BMP6: variants seen among roughly 807,000 people sequenced by gnomAD.
BMP6 encodes the protein bone morphogenetic protein 6, also known as VG-1-R.
BMP6 carries 17 observed loss-of-function variants against 54.1 expected under a neutral mutation model. The ratio of observed to expected loss-of-function variants is 0.31; its 90% confidence interval spans 0.22 to 0.47. BMP6 has a LOEUF of 0.47. Ranked by LOEUF, BMP6 falls within the 20% of genes least tolerant of loss-of-function variation. The pLI, the probability that BMP6 is intolerant of heterozygous loss-of-function variation, is 1.00. For synonymous variants in BMP6, 328 were observed against 291.2 expected (o/e 1.13, Z -1.28); for missense variants, 720 against 690.4 (o/e 1.04, Z -0.48).
chr6:7,802,174 T>C (rs960722842), intron 1 of BMP6, among the ~76,000 whole-genome samples: 8 of 152,224 alleles, frequency 5.3e-5, no homozygotes, highest in African/African-American at 1.2e-4. Context: ...CATCTCTTTG[T>C]GTCTGTTATT....
At chr6:7,770,914 G>A (rs1757773598) in intron 1 of BMP6, among the ~76,000 whole-genome samples, 1 of 152,244 alleles carries the variant, frequency 6.6e-6, no homozygotes, top group Non-Finnish European at 1.5e-5. Flanking sequence ...TGGGGCCTGG[G>A]CATCAGGATT....
intron 1 of BMP6, among the ~76,000 whole-genome samples, chr6:7,804,499 G>A (rs1446919180): frequency 2.6e-5 from 4 of 152,088 alleles, no homozygotes; most frequent in Non-Finnish European, 2.9e-5. Flanking sequence ...GGGACCAGTC[G>A]CCAAAGTCCT....
At chr6:7,867,415 A>G (rs546456914) in intron 4 of BMP6, among the ~76,000 whole-genome samples, 1 of 152,342 alleles carries the variant, frequency 6.6e-6, no homozygotes, top group South Asian at 2.1e-4. Context: ...TAACTGTGCA[A>G]TCTTGTGCTA....
chr6:7,814,524 C>T (rs997197585), intron 1 of BMP6, among the ~76,000 whole-genome samples: 3 of 152,104 alleles, frequency 2.0e-5, no homozygotes, highest in African/African-American at 2.4e-5. Flanking sequence ...TGTACAATAT[C>T]CTTTTAAATC....
chr6:7,853,154 C>T (rs573445491), intron 2 of BMP6, among the ~76,000 whole-genome samples: 15 of 152,000 alleles, frequency 9.9e-5, no homozygotes, highest in Non-Finnish European at 1.6e-4. Flanking sequence ...AGGTCTTGAC[C>T]CATCTAGTGT....
At position 7,726,534 on chromosome 6, in the gene BMP6, C is replaced by T. The variant is rs549374700; in HGVS notation, c.-422C>T. ...TCGTGAGCGGCCCCGCTCCCCGCTG[C>T]CCCGGGTCCCACTCAGTCGCCAGGG... On this transcript the variant is annotated 5_prime_UTR_variant, in exon 1 of 7. Coordinates refer to ENST00000283147, the MANE Select transcript of BMP6 (RefSeq NM_001718.6). Among the ~76,000 whole-genome samples the T allele has an allele frequency of 6.6e-6, 1 of 152,154 alleles. No homozygotes were observed. The highest frequency in any genetic ancestry group is 1.5e-5 in the Non-Finnish European group (1 of 68,022).
Position 7,861,206 on chromosome 6 carries a change from G to A in BMP6, c.858-245G>A, listed in dbSNP as rs536938686. 2.6e-3 allele frequency among the ~76,000 whole-genome samples: 12 copies of A among 4,672 alleles called. No homozygotes were observed. In the South Asian group the frequency reaches 0.28, roughly 107 times the overall value. The allele number at this position is 4,672 out of a possible 152,430, so 3.1% of individuals were successfully genotyped here. A position where few individuals can be genotyped will look rare whatever the true frequency, so the allele number is the denominator to read the frequency against. ...TTTGGTAAAGTTGAGAGGGTCTGCC[G>A]TGTCGGGGTGAAAGCTGATTTCTAT... On this transcript the variant is annotated intron_variant, in intron 2 of 6. Coordinates refer to ENST00000283147, the MANE Select transcript of BMP6 (RefSeq NM_001718.6).
chr6:7,844,344 GTT>G (rs34279744), intron 1 of BMP6, among the ~76,000 whole-genome samples: 40 of 145,222 alleles, frequency 2.8e-4, no homozygotes, highest in East Asian at 5.9e-4. Context: ...TTTCCCCCCA[GTT>G]TTTTTTTTTT....
intron 4 of BMP6, among the ~76,000 whole-genome samples, chr6:7,870,788 C>T (rs893378733): frequency 6.6e-6 from 1 of 152,200 alleles, no homozygotes; most frequent in Non-Finnish European, 1.5e-5. Context: ...CCATCATGCC[C>T]CTCTAATTTT....
At chr6:7,842,461 C>T (rs1169136160) in intron 1 of BMP6, among the ~76,000 whole-genome samples, 2 of 152,114 alleles carry the variant, frequency 1.3e-5, no homozygotes, top group Non-Finnish European at 2.9e-5. Flanking sequence ...TGGGCTTCCT[C>T]ACAACATGGA....
intron 1 of BMP6, among the ~76,000 whole-genome samples, chr6:7,733,569 G>A (rs746166095): frequency 6.6e-5 from 10 of 152,176 alleles, no homozygotes; most frequent in Non-Finnish European, 1.2e-4. Context: ...TGCTCCAGCC[G>A]CAGGGTGTCA....
chr6:7,759,693 C>CTTCTTTTTT (rs1554119240), intron 1 of BMP6, among the ~76,000 whole-genome samples: 2 of 80,076 alleles, frequency 2.5e-5, no homozygotes, highest in African/African-American at 5.3e-5. Flanking sequence ...TTTCTTTCTT[C>CTTCTTTTTT]TTCTTTTTTT....
chr6:7,845,088 G>T, intron 1 of BMP6, 52 bp from the exon 2 acceptor site: 1 of 1,509,002 alleles, frequency 6.6e-7, no homozygotes, highest in South Asian at 1.2e-5. Flanking sequence ...GTAAGCCCGT[G>T]GCACTTAGTC....
intron 1 of BMP6, among the ~76,000 whole-genome samples, chr6:7,826,393 G>A (rs1758698810): frequency 6.6e-6 from 1 of 152,212 alleles, no homozygotes; most frequent in Non-Finnish European, 1.5e-5. Context: ...GAGGGGCAGT[G>A]TGACCACACA....
At chr6:7,853,015 C>CG (rs1404734710) in intron 2 of BMP6, among the ~76,000 whole-genome samples, 38 of 152,250 alleles carry the variant, frequency 2.5e-4, no homozygotes, top group African/African-American at 8.7e-4. Flanking sequence ...GGTGATACTG[C>CG]GTAAAGCTCT....
At chr6:7,777,503 C>G (rs976018695) in intron 1 of BMP6, among the ~76,000 whole-genome samples, 1 of 151,966 alleles carries the variant, frequency 6.6e-6, no homozygotes, top group African/African-American at 2.4e-5. Context: ...ACTGGAGAAT[C>G]GAAGATACAG....
Position 7,862,282 on chromosome 6 carries a change from G to A in BMP6, c.1007-19G>A. The A allele has an allele frequency of 6.2e-7, 1 of 1,613,376 alleles. No homozygotes were observed. The highest frequency in any genetic ancestry group is 8.5e-7 in the Non-Finnish European group (1 of 1,179,386). On this transcript the variant is annotated intron_variant, in intron 3 of 6. Coordinates refer to ENST00000283147, the MANE Select transcript of BMP6 (RefSeq NM_001718.6). ...GTTTCTGTGGAATAAAGAGATGCAT[G>A]CTTTGATTTGCATTAAAGGAGTCCA...
intron 1 of BMP6, among the ~76,000 whole-genome samples, chr6:7,804,465 T>A (rs1758317244): frequency 6.6e-6 from 1 of 151,850 alleles, no homozygotes; most frequent in Non-Finnish European, 1.5e-5. Flanking sequence ...CAGGACAGAG[T>A]TTTCAGGCAG....
chr6:7,822,470 C>T (rs961466649), intron 1 of BMP6, among the ~76,000 whole-genome samples: 1 of 152,166 alleles, frequency 6.6e-6, no homozygotes, highest in African/African-American at 2.4e-5. Context: ...CTCATGCCTG[C>T]AGCCCAGTTC....
Sources: gnomAD v4.1 joint callset for allele counts (sites outside exome capture counted in the v4.1 genomes callset) on GRCh38, gnomAD v4.1.1 for gene constraint, MANE v1.5 for transcripts, NCBI Gene and HGNC (gene_info 2026-07-23, HGNC 2026-07-21) for gene names.